The following HPSE2 variants were observed in gnomAD, a reference collection of about 807,000 sequenced individuals.
The protein encoded by HPSE2 is inactive heparanase-2.
HPSE2 carries 38 observed loss-of-function variants against 60.5 expected under a neutral mutation model. The ratio of observed to expected loss-of-function variants is 0.63; its 90% confidence interval spans 0.48 to 0.82. The LOEUF is 0.82. Ranked by LOEUF, HPSE2 falls within the 40% of genes least tolerant of loss-of-function variation. The probability of loss-of-function intolerance (pLI) is 0.00; values close to 1 mark genes in which losing one functional copy is unlikely to be tolerated. For synonymous variants in HPSE2, 295 were observed against 293.2 expected, an observed-to-expected ratio of 1.01 and a Z score of -0.06; for missense variants, 713 against 740.4, an observed-to-expected ratio of 0.96 and a Z score of 0.43.
intron 2 of HPSE2, among the ~76,000 whole-genome samples, chr10:99,198,033 A>G (rs1042934497): frequency 6.6e-6 from 1 of 150,982 alleles, no homozygotes; most frequent in Non-Finnish European, 1.5e-5. Context: ...ATCGTGCCAC[A>G]CTCCAGCTTG....
At chr10:98,610,965 T>C (rs1215145577) in intron 9 of HPSE2, among the ~76,000 whole-genome samples, 1 of 152,190 alleles carries the variant, frequency 6.6e-6, no homozygotes, top group Non-Finnish European at 1.5e-5. Context: ...TGCCCATGAC[T>C]GGTGGGGTCT....
Position 98,614,701 on chromosome 10 carries a change from A to ATGTGTGTGTGTGTG in HPSE2, c.1320+189_1320+202dup, listed in dbSNP as rs141443710. Among the ~76,000 whole-genome samples the ATGTGTGTGTGTGTG allele has an allele frequency of 8.4e-3, 1,257 of 149,004 alleles. 11 individuals are homozygous for ATGTGTGTGTGTGTG. Among genetic ancestry groups the ATGTGTGTGTGTGTG allele is most frequent in the African/African-American group, 0.029 (1,195 of 40,784 alleles). On this transcript the variant is annotated intron_variant, in intron 9 of 11. Transcript: ENST00000370552. The stretch of plus-strand genomic sequence containing the variant: ...TGTATATATAAAAGTGAGTGAACAG[A>ATGTGTGTGTGTGTG]TGTGTGTGTGTGTGTGTGTGTGTGT...
intron 3 of HPSE2, among the ~76,000 whole-genome samples, chr10:98,914,694 T>C (rs1211238080): frequency 2.0e-5 from 3 of 150,554 alleles, no homozygotes; most frequent in South Asian, 2.1e-4. Context: ...TATATGTCAA[T>C]TTAAAAAATA....
chr10:98,516,150 T>G (rs1298561290), intron 9 of HPSE2, among the ~76,000 whole-genome samples: 1 of 152,174 alleles, frequency 6.6e-6, no homozygotes, highest in Non-Finnish European at 1.5e-5. Context: ...ATTTCTAGAG[T>G]ACTTAAGATG....
intron 3 of HPSE2, among the ~76,000 whole-genome samples, chr10:98,756,052 T>G (rs1457182851): frequency 6.6e-6 from 1 of 152,000 alleles, no homozygotes; most frequent in African/African-American, 2.4e-5. Flanking sequence ...ACATGGAAAT[T>G]AAACAACCTG....
At chr10:98,681,236 G>C (rs1168480473) in intron 6 of HPSE2, among the ~76,000 whole-genome samples, 1 of 152,082 alleles carries the variant, frequency 6.6e-6, no homozygotes, top group African/African-American at 2.4e-5. Context: ...GAGCTGTTAA[G>C]TGAAAATTAA....
chr10:98,863,740 G>A (rs1469594646), intron 3 of HPSE2, among the ~76,000 whole-genome samples: 1 of 152,112 alleles, frequency 6.6e-6, no homozygotes, highest in Non-Finnish European at 1.5e-5. Flanking sequence ...AACCTTATAT[G>A]AAGTATAATG....
chr10:98,874,872 T>C (rs1952832003), intron 3 of HPSE2, among the ~76,000 whole-genome samples: 1 of 152,126 alleles, frequency 6.6e-6, no homozygotes, highest in South Asian at 2.1e-4. Context: ...GATAATCATG[T>C]CGTTTTTGTC....
chr10:99,277,243 A>C, the HPSE2 span, among the ~76,000 whole-genome samples: 1 of 152,260 alleles, frequency 6.6e-6, no homozygotes, highest in East Asian at 1.9e-4. Context: ...ACACAGGTGC[A>C]CATGCATGCA....
intron 9 of HPSE2, among the ~76,000 whole-genome samples, chr10:98,536,146 A>G (rs1202073615): frequency 6.6e-6 from 1 of 152,162 alleles, no homozygotes; most frequent in Non-Finnish European, 1.5e-5. Context: ...ACTTCTTTTT[A>G]AGATGTATGG....
chr10:99,159,942 A>T (rs1309728573), intron 2 of HPSE2, among the ~76,000 whole-genome samples: 1 of 152,054 alleles, frequency 6.6e-6, no homozygotes, highest in Non-Finnish European at 1.5e-5. Flanking sequence ...GGGGCTCAAG[A>T]CCAGCCTGGC....
intron 3 of HPSE2, among the ~76,000 whole-genome samples, chr10:98,955,803 G>T (rs1357978481): frequency 1.3e-5 from 2 of 152,140 alleles, no homozygotes; most frequent in Non-Finnish European, 2.9e-5. Context: ...TATGTCCTTT[G>T]CAGGGACATG....
chr10:98,803,771 G>T (rs1445763614), intron 3 of HPSE2, among the ~76,000 whole-genome samples: 1 of 150,868 alleles, frequency 6.6e-6, no homozygotes, highest in African/African-American at 2.4e-5. Context: ...CTCCAGCTTT[G>T]TTCTTTTGGC....
At position 98,941,480 on chromosome 10, in the gene HPSE2, T is replaced by C. The variant is rs571495080; in HGVS notation, c.611-197424A>G. Among the ~76,000 whole-genome samples, 9 of 142,084 alleles carry C rather than the reference T, an allele frequency of 6.3e-5. 1 individual carries two copies. The highest frequency in any genetic ancestry group is 2.6e-4 in the African/African-American group (9 of 34,432). 93.2% of individuals were successfully genotyped at this position (142,084 alleles called of 152,430 possible). On this transcript the variant is annotated intron_variant, in intron 3 of 11. Coordinates refer to ENST00000370552, the MANE Select transcript of HPSE2 (RefSeq NM_021828.5). ...ATCATCAGTGAACTCCCATTCACAA[T>C]TGCTTCAAAGAGAATAAAATACCTA...
intron 3 of HPSE2, among the ~76,000 whole-genome samples, chr10:99,023,554 A>G (rs1957311341): frequency 6.6e-6 from 1 of 152,168 alleles, no homozygotes; most frequent in Non-Finnish European, 1.5e-5. Context: ...ACTCAGTGCT[A>G]TGCTGGCTTC....
At chr10:98,890,067 A>C (rs1003289561) in intron 3 of HPSE2, among the ~76,000 whole-genome samples, 2 of 152,232 alleles carry the variant, frequency 1.3e-5, no homozygotes, top group African/African-American at 4.8e-5. Context: ...GTTGTTTAAC[A>C]TAGTTATCTT....
chr10:99,169,192 C>CA (rs751491579), intron 2 of HPSE2, among the ~76,000 whole-genome samples: 5,651 of 50,354 alleles, frequency 0.11, 350 homozygotes, highest in South Asian at 0.17. Flanking sequence ...GACTCCGTCT[C>CA]AAAAAAAAAA....
At chr10:99,278,377 A>C in the HPSE2 span, among the ~76,000 whole-genome samples, 1 of 152,134 alleles carries the variant, frequency 6.6e-6, no homozygotes, top group Non-Finnish European at 1.5e-5. Flanking sequence ...AGGGTCTCAA[A>C]TTCCTATTTT....
chr10:98,986,349 C>T (rs1490838884), intron 3 of HPSE2, among the ~76,000 whole-genome samples: 7 of 151,688 alleles, frequency 4.6e-5, no homozygotes, highest in Admixed American at 1.3e-4. Context: ...CACTCAAAAC[C>T]ACTCAACTAC....
Sources: allele counts gnomAD v4.1 joint callset (sites outside exome capture counted in the v4.1 genomes callset), GRCh38; gene constraint gnomAD v4.1.1; transcripts MANE v1.5; gene names NCBI Gene and HGNC (gene_info 2026-07-23, HGNC 2026-07-21).